Variants in GRB10 observed in about 807,000 individuals in gnomAD.
The protein encoded by GRB10 is growth factor receptor-bound protein 10.
GRB10 carries 20 observed loss-of-function variants against 80.9 expected under a neutral mutation model. That is an observed-to-expected ratio of 0.25 (90% CI 0.17 to 0.36). The LOEUF (loss-of-function observed/expected upper bound fraction) is 0.36, where lower values mean the gene tolerates loss of function less well. GRB10 is among the 10% of genes least tolerant of loss of function. The pLI is 1.00. For missense variants in GRB10, 548 were observed against 747.7 expected, an observed-to-expected ratio of 0.73 and a Z score of 3.12; for synonymous variants, 291 against 291.5, an observed-to-expected ratio of 1.00 and a Z score of 0.02.
chr7:50,612,701 A>C, intron 13 of GRB10, 40 bp downstream of exon 13: 5 of 1,388,006 alleles, frequency 3.6e-6, no homozygotes, highest in Non-Finnish European at 4.1e-6. Flanking sequence ...TTTTCCACGA[A>C]GAGATGTGCA....
chr7:50,649,938 G>A (rs4641012), intron 7 of GRB10, among the ~76,000 whole-genome samples: 1 of 152,132 alleles, frequency 6.6e-6, no homozygotes, highest in African/African-American at 2.4e-5. Context: ...TGAAGACGGA[G>A]GGTACCTTTC....
chr7:50,768,802 G>A (rs991780671), intron 2 of GRB10, among the ~76,000 whole-genome samples: 2 of 152,188 alleles, frequency 1.3e-5, no homozygotes, highest in African/African-American at 4.8e-5. Context: ...CTGAAAGGGG[G>A]CCCTCAGCTG....
chr7:50,719,402 T>C (rs1397997928), intron 4 of GRB10, among the ~76,000 whole-genome samples: 1 of 152,288 alleles, frequency 6.6e-6, no homozygotes, highest in East Asian at 1.9e-4. Context: ...GAAGCCATCA[T>C]TCTCAGCAAA....
intron 2 of GRB10, among the ~76,000 whole-genome samples, chr7:50,769,493 CAG>C (rs970121372): frequency 8.5e-5 from 13 of 152,216 alleles, no homozygotes; most frequent in African/African-American, 2.7e-4. Context: ...TCCTTCCTGA[CAG>C]AGGAAAATGG....
chr7:50,751,561 A>G (rs966921940), intron 3 of GRB10, among the ~76,000 whole-genome samples: 8 of 152,246 alleles, frequency 5.3e-5, no homozygotes, highest in Admixed American at 5.2e-4. Flanking sequence ...GACCAGTGAA[A>G]GGGTGGGAAG....
At chr7:50,677,774 A>G (rs2061116138) in intron 5 of GRB10, among the ~76,000 whole-genome samples, 1 of 152,224 alleles carries the variant, frequency 6.6e-6, no homozygotes, top group African/African-American at 2.4e-5. Flanking sequence ...GCCAAAACAC[A>G]AAGTTCACTG....
intron 13 of GRB10, among the ~76,000 whole-genome samples, chr7:50,611,098 A>C (rs1436235470): frequency 1.3e-5 from 2 of 152,020 alleles, no homozygotes; most frequent in African/African-American, 2.4e-5. Context: ...CCCTATCTGC[A>C]CAGCTGCCTC....
intron 1 of GRB10, among the ~76,000 whole-genome samples, chr7:50,791,059 C>A (rs1388788090): frequency 1.3e-5 from 2 of 152,172 alleles, no homozygotes; most frequent in African/African-American, 4.8e-5. Context: ...CATGAACCTG[C>A]CCAGTTCTGG....
At chr7:50,632,272 A>G (rs2054139989) in intron 7 of GRB10, among the ~76,000 whole-genome samples, 1 of 152,208 alleles carries the variant, frequency 6.6e-6, no homozygotes, top group Admixed American at 6.5e-5. Context: ...GTTCAATTAT[A>G]GTGACTCAAA....
chr7:50,630,764 A>C lies in GRB10; in HGVS notation c.505-3786T>G, dbSNP rs533182364. ...AGGGCATAATTATGTCAACAGCATGAAACTCTGTCTTTTTAGAGTTAGTTG... is the reference window on the plus strand; with the variant it reads ...AGGGCATAATTATGTCAACAGCATGCAACTCTGTCTTTTTAGAGTTAGTTG... On this transcript the variant is annotated intron_variant, in intron 7 of 18. Coordinates refer to ENST00000401949, the MANE Select transcript of GRB10 (RefSeq NM_001350814.2). Among the ~76,000 whole-genome samples, 6 of 152,368 alleles carry C rather than the reference A, an allele frequency of 3.9e-5. No homozygotes were observed. In the South Asian group the frequency reaches 1.2e-3, roughly 32 times the overall value.
intron 17 of GRB10, among the ~76,000 whole-genome samples, chr7:50,602,782 G>A (rs2092419954): frequency 6.6e-6 from 1 of 152,150 alleles, no homozygotes; most frequent in Admixed American, 6.5e-5. Flanking sequence ...TATTTATTTA[G>A]TTAAGTGTAA....
At position 50,591,793 on chromosome 7, in the gene GRB10, G is replaced by C. The variant is rs535803681; in HGVS notation, c.*1159C>G. 2.1e-4 allele frequency: 32 copies of C among 152,358 alleles called. No homozygotes were observed. The highest frequency in any genetic ancestry group is 7.7e-4 in the African/African-American group (32 of 41,560). The allele number at this position is 152,358 out of a possible 1,614,324, so 9.4% of individuals were successfully genotyped here. On this transcript the variant is annotated 3_prime_UTR_variant, in exon 19 of 19. Coordinates refer to ENST00000401949, the MANE Select transcript of GRB10 (RefSeq NM_001350814.2). ...GGCTTATGGGGGTTTTCAGCAGGAC[G>C]GAGGGCTGCAAGCAAAGATCTTTAA...
chr7:50,638,918 T>C (rs1430078959), intron 7 of GRB10, among the ~76,000 whole-genome samples: 1 of 152,198 alleles, frequency 6.6e-6, no homozygotes, highest in Admixed American at 6.5e-5. Context: ...TAAAAAAGAA[T>C]GAAATCATGT....
intron 7 of GRB10, among the ~76,000 whole-genome samples, chr7:50,650,838 A>G (rs1389238976): frequency 6.7e-6 from 1 of 148,992 alleles, no homozygotes; most frequent in Non-Finnish European, 1.5e-5. Context: ...GGGAGTAGGA[A>G]AATCTCCTGG....
chr7:50,690,396 T>C (rs976905734), intron 5 of GRB10, among the ~76,000 whole-genome samples: 2 of 152,136 alleles, frequency 1.3e-5, no homozygotes, highest in African/African-American at 4.8e-5. Flanking sequence ...AATACAGACA[T>C]TGGATTTTAG....
chr7:50,751,940 C>A (rs923905891), intron 3 of GRB10, among the ~76,000 whole-genome samples: 2 of 152,100 alleles, frequency 1.3e-5, no homozygotes, highest in African/African-American at 4.8e-5. Flanking sequence ...ATCAACCAAT[C>A]AATATGTAAC....
At chr7:50,626,796 C>T (rs374815200) in intron 8 of GRB10, 26 bp downstream of exon 8, 14 of 1,613,926 alleles carry the variant, frequency 8.7e-6, no homozygotes, top group Non-Finnish European at 1.1e-5. Flanking sequence ...TCCCCAGGTG[C>T]CAATCCTGTT....
At chr7:50,614,729 C>T (rs772105606) in intron 12 of GRB10, 41 bp downstream of exon 12, 2 of 1,247,620 alleles carry the variant, frequency 1.6e-6, no homozygotes, top group African/African-American at 2.9e-5. Flanking sequence ...CTCCTGTGGG[C>T]TGCTGAGCAT....
At chr7:50,633,635 T>C (rs536911405) in intron 7 of GRB10, among the ~76,000 whole-genome samples, 10 of 151,878 alleles carry the variant, frequency 6.6e-5, no homozygotes, top group African/African-American at 2.4e-4. Context: ...AAGAGAAAGT[T>C]GAAAACCAAC....
Sources: allele counts gnomAD v4.1 joint callset (sites outside exome capture counted in the v4.1 genomes callset), GRCh38; gene constraint gnomAD v4.1.1; transcripts MANE v1.5; gene names NCBI Gene and HGNC (gene_info 2026-07-23, HGNC 2026-07-21).